Variants in BPIFA1 observed in about 807,000 individuals in gnomAD.
The protein encoded by BPIFA1 is BPI fold-containing family A member 1.
BPIFA1 carries 24 observed loss-of-function variants against 25.1 expected under a neutral mutation model. The ratio of observed to expected loss-of-function variants is 0.96; its 90% CI spans 0.69 to 1.35. The LOEUF is 1.35. BPIFA1 is among the 40% of genes most tolerant of loss of function. BPIFA1 has a pLI of 0.00. For missense variants in BPIFA1, 344 were observed against 303.7 expected (o/e 1.13, Z -0.99); for synonymous variants, 139 against 131.8 (o/e 1.05, Z -0.37).
At chr20:33,242,016 G>T in intron 6 of BPIFA1, 40 bp from the exon 7 acceptor site, 1 of 1,575,916 alleles carries the variant, frequency 6.3e-7, no homozygotes, top group Non-Finnish European at 8.7e-7. Flanking sequence ...GCTGCTCCAG[G>T]GTGCCACTCT....
chr20:33,239,209 G>C (rs964311090), intron 3 of BPIFA1, among the ~76,000 whole-genome samples: 1 of 152,024 alleles, frequency 6.6e-6, no homozygotes, highest in African/African-American at 2.4e-5. Flanking sequence ...ATGGGAGAAT[G>C]GCTTCCTTCC....
At chr20:33,240,419 G>A in intron 5 of BPIFA1, 34 bp downstream of exon 5, 1 of 1,610,624 alleles carries the variant, frequency 6.2e-7, no homozygotes, top group Non-Finnish European at 8.5e-7. Context: ...CCTGCCCAGA[G>A]ATGACAGGGT....
chr20:33,240,581 C>T (rs1600641226), intron 5 of BPIFA1, among the ~76,000 whole-genome samples, 196 bp downstream of exon 5: 1 of 119,562 alleles, frequency 8.4e-6, no homozygotes, highest in Non-Finnish European at 1.8e-5. Context: ...GATGGATGGA[C>T]AGATGGTTAG....
In BPIFA1 at chr20:33,240,320, G is replaced by A. The variant is rs377508040; in HGVS notation, c.516G>A (p.Arg172=). The A allele has an allele frequency of 1.9e-6, 3 of 1,614,038 alleles. No homozygotes were observed. The highest frequency in any genetic ancestry group is 1.1e-5 in the South Asian group (1 of 91,080). Residue 172 remains arginine, a synonymous_variant, in exon 5 of 9, where the codon AGG becomes AGA. Transcript: ENST00000354297. ...TAGCTGTGAGAGATAAGCAGGAGAG[G>A]ATCCACCTGGTCCTTGGTGACTGCA... ...EILAVRDKQE[R]IHLVLGDCTH... is the part of the protein sequence containing the mutation.
chr20:33,240,002 C>G, intron 4 of BPIFA1, 92 bp downstream of exon 4: 1 of 1,416,470 alleles, frequency 7.1e-7, no homozygotes, highest in Non-Finnish European at 9.9e-7. Flanking sequence ...TGGAGTCTAA[C>G]AGACCTGAGC....
chr20:33,236,086 C>T lies in BPIFA1; in HGVS notation c.-16+36C>T, dbSNP rs931012118. The stretch of plus-strand genomic sequence containing the variant: ...TCCATTCTGTGGCCCCTCTGCTACC[C>T]TTAACGGCAGGGATCTCAGGCTCCT... On this transcript the variant is annotated intron_variant, in intron 1 of 8. Transcript: ENST00000354297. 4 of 152,328 alleles carry T rather than the reference C, an allele frequency of 2.6e-5. No individual in the cohort carries two copies. In the East Asian group the frequency reaches 7.7e-4, roughly 29 times the overall value. The allele number at this position is 152,328 out of a possible 1,614,324, so 9.4% of individuals were successfully genotyped here.
chr20:33,242,458 G>GT (rs1232660921), intron 7 of BPIFA1, 29 bp from the exon 8 acceptor site: 13 of 1,613,048 alleles, frequency 8.1e-6, no homozygotes, highest in Non-Finnish European at 1.1e-5. Flanking sequence ...ACTGTCGTCT[G>GT]TTTTTTTATT....
intron 5 of BPIFA1, among the ~76,000 whole-genome samples, chr20:33,240,655 A>ATAGT (rs1037020878): frequency 6.8e-6 from 1 of 146,162 alleles, no homozygotes; most frequent in African/African-American, 2.8e-5. Context: ...TGATAGATAG[A>ATAGT]TAGATAGATA....
intron 3 of BPIFA1, 72 bp from the exon 4 acceptor site, chr20:33,239,731 G>A: frequency 7.0e-7 from 1 of 1,429,816 alleles, no homozygotes; most frequent in South Asian, 1.2e-5. Flanking sequence ...GGTACTGTTA[G>A]GTTAAAGATG....
In BPIFA1 at chr20:33,240,391, G is replaced by T; in HGVS notation, c.581+6G>T. On this transcript the variant is annotated splice_donor_region_variant and intron_variant, in intron 5 of 8. Coordinates refer to ENST00000354297, the MANE Select transcript of BPIFA1 (RefSeq NM_130852.3). ...CAAATTTCTCTGCTTGATGGGTGAG[G>T]CCAGAGGAGCAGCTTATCCTGCCCA... is the stretch of plus-strand genomic sequence containing the variant. 2 of 1,613,804 alleles carry T rather than the reference G, an allele frequency of 1.2e-6. No homozygotes were observed. The highest frequency in any genetic ancestry group is 1.7e-6 in the Non-Finnish European group (2 of 1,179,882).
Position 33,241,448 on chromosome 20 carries a change from G to A in BPIFA1, c.645G>A (p.Leu215=). Residue 215 remains leucine, a synonymous_variant, in exon 6 of 9, where the codon CTG becomes CTA. Coordinates refer to ENST00000354297, the MANE Select transcript of BPIFA1 (RefSeq NM_130852.3). ...DSLTGILNKV[L]PELVQGNVCP... is the part of the protein sequence containing the mutation. ...TCACAGGGATCTTGAATAAAGTCCT[G>A]CCTGAGTTGGTTCAGGGCAACGTAA... 6.2e-7 allele frequency: 1 copy of A among 1,614,050 alleles called. No individual in the cohort carries two copies. Among genetic ancestry groups the A allele is most frequent in the Non-Finnish European group, 8.5e-7 (1 of 1,179,928 alleles).
Position 33,241,427 on chromosome 20 carries a change from A to G in BPIFA1, c.624A>G (p.Thr208=), listed in dbSNP as rs931399494. ...LPIQGLLDSL[T]GILNKVLPEL... Reference sequence around the variant, plus strand: ...TTCAAGGTCTTCTGGACAGCCTCACAGGGATCTTGAATAAAGTCCTGCCTG... The same window carrying G: ...TTCAAGGTCTTCTGGACAGCCTCACGGGGATCTTGAATAAAGTCCTGCCTG... The change falls in exon 6 of 9, where the codon ACA becomes ACG. Residue 208 remains threonine (T), a synonymous_variant. Transcript: ENST00000354297. 6.2e-7 allele frequency: 1 copy of G among 1,614,158 alleles called. No individual in the cohort carries two copies. Among genetic ancestry groups the G allele is most frequent in the Non-Finnish European group, 8.5e-7 (1 of 1,179,992 alleles).
intron 8 of BPIFA1, among the ~76,000 whole-genome samples, chr20:33,242,859 T>C (rs925983759): frequency 6.6e-6 from 1 of 151,844 alleles, no homozygotes; most frequent in South Asian, 2.1e-4. Flanking sequence ...ATTGGTGGAC[T>C]CACCACACAC....
At chr20:33,241,301 C>A in intron 5 of BPIFA1, 84 bp from the exon 6 acceptor site, 1 of 1,274,286 alleles carries the variant, frequency 7.8e-7, no homozygotes, top group Non-Finnish European at 1.1e-6. Context: ...AGTGTTGAGA[C>A]TGTGGGGTTC....
intron 3 of BPIFA1, 35 bp downstream of exon 3, chr20:33,238,249 C>T: frequency 1.9e-6 from 3 of 1,577,876 alleles, no homozygotes; most frequent in East Asian, 2.3e-5. Flanking sequence ...TGATCTCCAC[C>T]AGGGAACCCC....
chr20:33,241,751 A>G (rs1057174979), intron 6 of BPIFA1, among the ~76,000 whole-genome samples: 12 of 152,116 alleles, frequency 7.9e-5, no homozygotes, highest in Non-Finnish European at 1.3e-4. Context: ...CCAGCCTTCT[A>G]TGGCCACAGA....
In BPIFA1 at chr20:33,242,497, C is replaced by A; in HGVS notation, c.741C>A (p.Ile247=). 1.2e-6 allele frequency: 2 copies of A among 1,614,062 alleles called. No homozygotes were observed. The highest frequency in any genetic ancestry group is 1.1e-5 in the South Asian group (1 of 91,076). The part of the protein sequence containing the change: ...TLVHDIVNML[I]HGLQFVIKV ...TGTTTGTTTGTTTAGACATGCTGAT[C>A]CACGGACTACAGTTTGTCATCAAGG... The change falls in exon 8 of 9, where the codon ATC becomes ATA. Residue 247 remains isoleucine, a synonymous_variant. Coordinates refer to ENST00000354297, the MANE Select transcript of BPIFA1 (RefSeq NM_130852.3).
At chr20:33,239,482 G>A (rs867207885) in intron 3 of BPIFA1, among the ~76,000 whole-genome samples, 1 of 152,112 alleles carries the variant, frequency 6.6e-6, no homozygotes, top group South Asian at 2.1e-4. Context: ...ATATGAAGTA[G>A]CCACTTTCTT....
chr20:33,236,208 T>C (rs1223696511), intron 1 of BPIFA1, among the ~76,000 whole-genome samples, 158 bp downstream of exon 1: 1 of 152,158 alleles, frequency 6.6e-6, no homozygotes, highest in Non-Finnish European at 1.5e-5. Context: ...GGCCATTTGC[T>C]CTGCTGTCCT....
Sources: allele counts gnomAD v4.1 joint callset (sites outside exome capture counted in the v4.1 genomes callset), GRCh38; gene constraint gnomAD v4.1.1; transcripts MANE v1.5; gene names NCBI Gene and HGNC (gene_info 2026-07-23, HGNC 2026-07-21).